Variants in CHM observed in about 807,000 individuals in gnomAD.
The protein encoded by CHM is CHM Rab escort protein.
A neutral mutation model predicts 49.0 loss-of-function variants in CHM; 10 were observed. The ratio of observed to expected loss-of-function variants is 0.20; its 90% CI spans 0.13 to 0.35. The LOEUF (loss-of-function observed/expected upper bound fraction) is 0.35, where lower values mean the gene tolerates loss of function less well. Among genes scored for constraint, CHM ranks in the 10% least tolerant of loss-of-function variants. The pLI is 1.00. For missense variants in CHM, 455 were observed against 478.4 expected, an observed-to-expected ratio of 0.95 and a Z score of 0.46; for synonymous variants, 184 against 167.5, an observed-to-expected ratio of 1.10 and a Z score of -0.76.
Position 85,983,119 on chromosome X carries a change from C to A in CHM, c.117-1310G>T, listed in dbSNP as rs1931718399. Among the ~76,000 whole-genome samples, 3 of 111,221 alleles carry A rather than the reference C, an allele frequency of 2.7e-5. No individual in the cohort carries two copies. The Admixed American group carries it at 2.9e-4, about 11-fold the overall frequency. ...CAGATTTTAGGCTCAAGCATTTTAC[C>A]AAACAAATACTGCTTTTCTCTAACA... On this transcript the variant is annotated intron_variant, in intron 2 of 14. Coordinates refer to ENST00000357749, the MANE Select transcript of CHM (RefSeq NM_000390.4).
At chrX:86,039,707 C>G (rs757346707) in intron 1 of CHM, among the ~76,000 whole-genome samples, 7 of 110,482 alleles carry the variant, frequency 6.3e-5, no homozygotes, top group Non-Finnish European at 1.3e-4. Context: ...TTGCCTTTTC[C>G]GAAACCACTT....
At chrX:85,972,499 C>T (rs1441304041) in intron 4 of CHM, among the ~76,000 whole-genome samples, 1 of 113,255 alleles carries the variant, frequency 8.8e-6, no homozygotes, top group Non-Finnish European at 1.9e-5. Flanking sequence ...CCGAGGCCTG[C>T]CCCGTGGGAA....
chrX:85,877,923 T>C (rs1394498369), intron 13 of CHM, among the ~76,000 whole-genome samples: 1 of 111,566 alleles, frequency 9.0e-6, no homozygotes, highest in Non-Finnish European at 1.9e-5. Context: ...AATAAAGATA[T>C]ATAAATCAAT....
chrX:86,010,495 A>C (rs1933028206), intron 2 of CHM, among the ~76,000 whole-genome samples: 1 of 111,002 alleles, frequency 9.0e-6, no homozygotes, highest in South Asian at 3.8e-4. Flanking sequence ...AAGTAAAATT[A>C]AATATATTCA....
intron 8 of CHM, among the ~76,000 whole-genome samples, chrX:85,927,542 G>A (rs182335084): frequency 8.9e-6 from 1 of 112,260 alleles, no homozygotes; most frequent in African/African-American, 3.2e-5. Flanking sequence ...ACAAACTCGA[G>A]AAACATTCAC....
chrX:85,959,116 A>C, intron 5 of CHM, 139 bp from the exon 6 acceptor site: 1 of 786,250 alleles, frequency 1.3e-6, no homozygotes, highest in Non-Finnish European at 1.8e-6. Flanking sequence ...ACATAACACA[A>C]TCTATTACAG....
At chrX:85,918,584 C>T (rs1433723024) in intron 8 of CHM, among the ~76,000 whole-genome samples, 1 of 111,432 alleles carries the variant, frequency 9.0e-6, no homozygotes, top group East Asian at 2.8e-4. Context: ...AGATAAACGT[C>T]CCACTTAAAA....
Position 85,958,262 on chromosome X carries a change from G to A in CHM, c.820-287C>T, listed in dbSNP as rs987907333. The stretch of plus-strand genomic sequence containing the variant: ...AGTGCTATCTAAAACAAACACTGTG[G>A]TTCTCCCTATGTACATGTTAGTACA... On this transcript the variant is annotated intron_variant, in intron 6 of 14. Transcript: ENST00000357749. Among the ~76,000 whole-genome samples, 4 of 112,094 alleles carry A rather than the reference G, an allele frequency of 3.6e-5. No homozygotes were observed. The South Asian group carries it at 1.5e-3, about 41-fold the overall frequency.
At position 85,862,701 on chromosome X, in the gene CHM, T is replaced by C. The variant is rs1254002730; in HGVS notation, c.*1929A>G. On this transcript the variant is annotated 3_prime_UTR_variant, in exon 15 of 15. Coordinates refer to ENST00000357749, the MANE Select transcript of CHM (RefSeq NM_000390.4). ...CCTGAGAGGCTAGTAAGTTAAGTTC[T>C]TCCATTACTCTGGCTTGAACTATAT... is the stretch of plus-strand genomic sequence containing the variant. 3 of 111,688 alleles carry C rather than the reference T, an allele frequency of 2.7e-5. No homozygotes were observed. Among genetic ancestry groups the C allele is most frequent in the African/African-American group, 9.8e-5 (3 of 30,723 alleles). The allele number at this position is 111,688 out of a possible 1,213,427, so 9.2% of individuals were successfully genotyped here. A position where few individuals can be genotyped will look rare whatever the true frequency, so the allele number is the denominator to read the frequency against.
chrX:86,004,601 G>A (rs1197091022), intron 2 of CHM, among the ~76,000 whole-genome samples: 7 of 111,633 alleles, frequency 6.3e-5, no homozygotes, highest in Non-Finnish European at 1.3e-4. Context: ...AAAAAAAGCA[G>A]GGTTTGCAAT....
chrX:86,042,509 A>T (rs2147812576), intron 1 of CHM, among the ~76,000 whole-genome samples: 1 of 110,091 alleles, frequency 9.1e-6, no homozygotes, highest in Admixed American at 9.7e-5. Context: ...GTGTGGGGAG[A>T]TGCCACACAC....
At chrX:85,903,536 T>C (rs1240454754) in intron 9 of CHM, 2 of 380,012 alleles carry the variant, frequency 5.3e-6, no homozygotes, top group Non-Finnish European at 1.1e-5. Context: ...GTTTGGGAGT[T>C]AGGGAGCTCA....
chrX:85,970,572 C>G, intron 4 of CHM: 1 of 337,776 alleles, frequency 3.0e-6, no homozygotes, highest in Non-Finnish European at 3.9e-6. Flanking sequence ...CTCTAGCATT[C>G]CTTGAGCTTC....
At chrX:85,932,095 G>A (rs777369350) in intron 8 of CHM, among the ~76,000 whole-genome samples, 1 of 111,886 alleles carries the variant, frequency 8.9e-6, no homozygotes, top group Non-Finnish European at 1.9e-5. Context: ...CCTACTTATG[G>A]AGATATGTCA....
chrX:85,979,008 A>C, intron 3 of CHM, 117 bp from the exon 4 acceptor site: 2 of 766,251 alleles, frequency 2.6e-6, no homozygotes, highest in Non-Finnish European at 3.7e-6. Flanking sequence ...CCAAAACTCA[A>C]AGGATATCAC....
At chrX:85,914,302 T>C (rs62608238) in intron 8 of CHM, among the ~76,000 whole-genome samples, 18,833 of 110,099 alleles carry the variant, frequency 0.17, 1,543 homozygotes, top group Middle Eastern at 0.25. Context: ...GACCTGGAGA[T>C]TGCAAGTCTA....
chrX:85,963,911 T>G lies in CHM; in HGVS notation c.456A>C (p.Glu152Asp), dbSNP rs1215527436. 4 of 1,211,305 alleles carry G rather than the reference T, an allele frequency of 3.3e-6. No individual in the cohort carries two copies. Among genetic ancestry groups the G allele is most frequent in the Admixed American group, 2.2e-5 (1 of 45,936 alleles). The change falls in exon 5 of 15, where the codon GAA (glutamate) becomes GAC (aspartate). Residue 152 changes from glutamate to aspartate, a missense_variant. Physicochemically the swap from Glu to Asp is conservative, Grantham distance 45. Transcript: ENST00000357749. ...TGCTTGGAGTTTGTTCTGTGAGCATTTCACAGCTCATAGTGCTTAATGACT... is the reference window on the plus strand; with the variant it reads ...TGCTTGGAGTTTGTTCTGTGAGCATGTCACAGCTCATAGTGCTTAATGACT... Reference protein sequence around the residue: ...EDESLSTMSCEMLTEQTPSSD... With the variant: ...EDESLSTMSCDMLTEQTPSSD...
intron 10 of CHM, 149 bp downstream of exon 10, chrX:85,900,935 G>A (rs1449361299): frequency 2.0e-6 from 1 of 510,282 alleles, no homozygotes; most frequent in African/African-American, 2.4e-5. Context: ...AATTATGCTA[G>A]GCTTCCCTAA....
chrX:85,952,758 G>T (rs932716624), intron 8 of CHM, among the ~76,000 whole-genome samples: 1 of 113,141 alleles, frequency 8.8e-6, no homozygotes, highest in African/African-American at 3.2e-5. Flanking sequence ...CACCAAGCAG[G>T]CTCTTGGGAA....
Sources: gnomAD v4.1 joint callset for allele counts (sites outside exome capture counted in the v4.1 genomes callset) on GRCh38, gnomAD v4.1.1 for gene constraint, MANE v1.5 for transcripts, NCBI Gene and HGNC (gene_info 2026-07-23, HGNC 2026-07-21) for gene names.